Variants in SUN5 observed in about 807,000 individuals in gnomAD.
SUN5 encodes Sad1 and UNC84 domain containing 5, also known as SUN domain-containing protein 5.
SUN5 carries 44 observed loss-of-function variants against 53.7 expected under a neutral mutation model. The observed-to-expected ratio is 0.82, with a 90% CI of 0.64 to 1.05. SUN5 has a LOEUF of 1.05. SUN5 is among the 50% of genes least tolerant of loss of function. The pLI is 0.00. For missense variants in SUN5, 433 were observed against 483.8 expected (o/e 0.90, Z 0.98); for synonymous variants, 166 against 179.8 (o/e 0.92, Z 0.62).
rs1004852763 is a variant in SUN5 at position 32,989,116 on chromosome 20, G to A, written c.613+504C>T. 6.6e-5 allele frequency among the ~76,000 whole-genome samples: 10 copies of A among 151,926 alleles called. No individual in the cohort carries two copies. In the East Asian group the frequency reaches 1.4e-3, roughly 21 times the overall value. On this transcript the variant is annotated intron_variant, in intron 9 of 12. Coordinates refer to ENST00000356173, the MANE Select transcript of SUN5 (RefSeq NM_080675.4). ...AATTTTTTGTATTTTTAGTAGAGAC[G>A]GGGTTTCACCGTGTTAGCCAGGATG...
intron 4 of SUN5, among the ~76,000 whole-genome samples, chr20:33,000,894 G>A (rs1323661203): frequency 6.6e-6 from 1 of 151,888 alleles, no homozygotes; most frequent in African/African-American, 2.4e-5. Context: ...GTGGAGGTGG[G>A]AATAGGAATA....
chr20:33,001,041 A>G (rs1015237842), intron 4 of SUN5, among the ~76,000 whole-genome samples, 171 bp downstream of exon 4: 2 of 152,000 alleles, frequency 1.3e-5, no homozygotes, highest in Non-Finnish European at 2.9e-5. Context: ...GGCTGGAGCA[A>G]TGGGGGGCCA....
chr20:33,002,722 C>A (rs1369066742), intron 2 of SUN5, 61 bp from the exon 3 acceptor site: 1 of 1,607,760 alleles, frequency 6.2e-7, no homozygotes, highest in Non-Finnish European at 8.5e-7. Flanking sequence ...CTTGCAGAGA[C>A]CTAGGGAGCA....
chr20:32,991,045 T>C (rs1237737335), intron 8 of SUN5, among the ~76,000 whole-genome samples: 1 of 152,034 alleles, frequency 6.6e-6, no homozygotes, highest in Admixed American at 6.5e-5. Context: ...GGCAAAAAAA[T>C]CCCCAACTCC....
chr20:32,989,747 T>C (rs371724418), intron 8 of SUN5, 49 bp from the exon 9 acceptor site: 2 of 1,532,218 alleles, frequency 1.3e-6, no homozygotes, highest in Non-Finnish European at 1.8e-6. Flanking sequence ...TGTCACGGAC[T>C]GTGATCCCCA....
intron 3 of SUN5, 47 bp downstream of exon 3, chr20:33,002,540 C>T (rs770905086): frequency 4.6e-5 from 74 of 1,602,322 alleles, no homozygotes; most frequent in Admixed American, 8.3e-5. Context: ...GGACCCTCTC[C>T]CCAGACCCAT....
chr20:32,998,453 G>C (rs1479754247), intron 5 of SUN5, among the ~76,000 whole-genome samples: 1 of 152,098 alleles, frequency 6.6e-6, no homozygotes, highest in African/African-American at 2.4e-5. Context: ...GGGTGACAGA[G>C]ACTCTGTCTC....
chr20:32,998,175 C>CAAAAAA lies in SUN5; in HGVS notation c.341-494_341-489dup, dbSNP rs35729664. On this transcript the variant is annotated intron_variant, in intron 5 of 12. Coordinates refer to ENST00000356173, the MANE Select transcript of SUN5 (RefSeq NM_080675.4). ...CCAATGTGGTGAAACCCCATCTCTA[C>CAAAAAA]AAAAAAAAAAAAAAAAAAAAAAAAT... is the stretch of plus-strand genomic sequence containing the variant. Among the ~76,000 whole-genome samples, 66 of 59,666 alleles carry CAAAAAA rather than the reference C, an allele frequency of 1.1e-3. 2 individuals carry two copies. Among genetic ancestry groups the CAAAAAA allele is most frequent in the South Asian group, 1.6e-3 (2 of 1,222 alleles). The allele number at this position is 59,666 out of a possible 152,430, so 39.1% of individuals were successfully genotyped here.
chr20:33,001,546 C>CTTTCTTTCTTTCTTTCTTTT (rs1990022660), intron 3 of SUN5, among the ~76,000 whole-genome samples: 3 of 137,122 alleles, frequency 2.2e-5, no homozygotes, highest in African/African-American at 1.0e-4. Flanking sequence ...TTCTTTCTTT[C>CTTTCTTTCTTTCTTTCTTTT]TTTCTTTCTT....
chr20:32,991,628 G>T (rs1379446116), intron 8 of SUN5, among the ~76,000 whole-genome samples: 1 of 152,194 alleles, frequency 6.6e-6, no homozygotes, highest in Non-Finnish European at 1.5e-5. Flanking sequence ...GTGAGTGACT[G>T]ACACGGTCTC....
At chr20:32,986,566 G>T (rs1989545482) in intron 10 of SUN5, among the ~76,000 whole-genome samples, 1 of 152,178 alleles carries the variant, frequency 6.6e-6, no homozygotes, top group Admixed American at 6.5e-5. Context: ...GTCAGGGAAG[G>T]CCTCCTGAGG....
intron 9 of SUN5, among the ~76,000 whole-genome samples, chr20:32,989,168 G>A (rs1190274479): frequency 6.6e-6 from 1 of 152,052 alleles, no homozygotes; most frequent in Non-Finnish European, 1.5e-5. Context: ...CTCGTGATCT[G>A]CCCGCCTTGG....
In SUN5 at chr20:32,985,717, C is replaced by T. The variant is rs1185059608; in HGVS notation, c.897+19G>A. The T allele has an allele frequency of 6.2e-7, 1 of 1,612,788 alleles. No individual in the cohort carries two copies. The highest frequency in any genetic ancestry group is 8.5e-7 in the Non-Finnish European group (1 of 1,179,280). On this transcript the variant is annotated intron_variant, in intron 11 of 12. Coordinates refer to ENST00000356173, the MANE Select transcript of SUN5 (RefSeq NM_080675.4). ...TTGTCCCTTTAGCTAAGCATAGCTC[C>T]CTGCAGGGGAGTGCTCACATAGATG...
At chr20:32,999,886 A>G in intron 5 of SUN5, 188 bp downstream of exon 5, 1 of 1,539,822 alleles carries the variant, frequency 6.5e-7, no homozygotes, top group Non-Finnish European at 8.8e-7. Context: ...ATAACTTCTG[A>G]AGCATTTCTT....
intron 5 of SUN5, among the ~76,000 whole-genome samples, chr20:32,998,436 C>G (rs1989911021): frequency 6.6e-6 from 1 of 152,104 alleles, no homozygotes; most frequent in South Asian, 2.1e-4. Context: ...CTGCTGCATT[C>G]CAGCCTGGGT....
Position 33,004,316 on chromosome 20 carries a change from C to T in SUN5, c.25G>A (p.Gly9Arg). Reference protein sequence around the residue: MPRSSRSPGDPGALLEDVA... With the variant: MPRSSRSPRDPGALLEDVA... ...TCTTCGAGTAGGGCGCCTGGGTCCC[C>T]AGGGCTCCTTGAGGACCGTGGCATC... Residue 9 changes from glycine (G) to arginine (R), a missense_variant, in exon 1 of 13, where the codon GGG becomes AGG. Coordinates refer to ENST00000356173, the MANE Select transcript of SUN5 (RefSeq NM_080675.4). 6.4e-7 allele frequency: 1 copy of T among 1,573,992 alleles called. No individual in the cohort carries two copies. Among genetic ancestry groups the T allele is most frequent in the Non-Finnish European group, 8.6e-7 (1 of 1,159,376 alleles).
chr20:32,987,849 T>G, intron 9 of SUN5, 74 bp from the exon 10 acceptor site: 4 of 1,190,694 alleles, frequency 3.4e-6, no homozygotes, highest in Non-Finnish European at 3.7e-6. Context: ...TGATGGGCCC[T>G]GACTATGTGC....
intron 6 of SUN5, among the ~76,000 whole-genome samples, chr20:32,996,729 C>G (rs73907333): frequency 3.3e-5 from 5 of 152,030 alleles, no homozygotes; most frequent in Admixed American, 2.0e-4. Context: ...CACCCACCCA[C>G]TCATCTATCC....
chr20:32,985,461 C>T (rs141675677), intron 11 of SUN5, among the ~76,000 whole-genome samples: 21 of 152,128 alleles, frequency 1.4e-4, no homozygotes, highest in African/African-American at 5.1e-4. Context: ...GTTCAGATAA[C>T]GCTTCGGACC....
Sources: allele counts gnomAD v4.1 joint callset (sites outside exome capture counted in the v4.1 genomes callset), GRCh38; gene constraint gnomAD v4.1.1; transcripts MANE v1.5; gene names NCBI Gene and HGNC (gene_info 2026-07-23, HGNC 2026-07-21).